ROR1: variants seen among roughly 807,000 people sequenced by gnomAD.
ROR1 encodes ROR family WNT receptor 1.
A neutral mutation model predicts 78.8 loss-of-function variants in ROR1; 19 were observed. That is an observed-to-expected ratio of 0.24 (90% confidence interval 0.17 to 0.35). ROR1 has a LOEUF of 0.35. Among genes scored for constraint, ROR1 ranks in the 10% least tolerant of loss-of-function variants. The pLI is 1.00. For synonymous variants in ROR1, 386 were observed against 433.6 expected (o/e 0.89, Z 1.36); for missense variants, 917 against 1,177.8 (o/e 0.78, Z 3.24).
intron 1 of ROR1, among the ~76,000 whole-genome samples, chr1:63,813,739 T>C (rs908217265): frequency 6.6e-6 from 1 of 152,222 alleles, no homozygotes; most frequent in South Asian, 2.1e-4. Context: ...CACATTTATA[T>C]TGAGGGTGGA....
chr1:63,802,584 A>C (rs899300608), intron 1 of ROR1, among the ~76,000 whole-genome samples: 3 of 152,224 alleles, frequency 2.0e-5, no homozygotes, highest in Admixed American at 2.0e-4. Flanking sequence ...AGCAGAGTTC[A>C]GATTTTTCAG....
At chr1:64,154,847 A>T (rs1170164743) in intron 7 of ROR1, among the ~76,000 whole-genome samples, 1 of 152,152 alleles carries the variant, frequency 6.6e-6, no homozygotes, top group Non-Finnish European at 1.5e-5. Flanking sequence ...TTTCCAGCCG[A>T]TTTTCTCTGT....
intron 4 of ROR1, among the ~76,000 whole-genome samples, chr1:64,091,509 A>G (rs1569728147): frequency 6.6e-6 from 1 of 151,972 alleles, no homozygotes; most frequent in Non-Finnish European, 1.5e-5. Context: ...ATCCCATTGT[A>G]CCCTGGGATC....
chr1:63,894,832 T>C (rs115599430), intron 1 of ROR1, among the ~76,000 whole-genome samples: 3,508 of 152,256 alleles, frequency 0.023, 80 homozygotes, highest in African/African-American at 0.054. Flanking sequence ...TGGAATCTGC[T>C]TGGCCAAAAG....
chr1:63,940,482 CAGAT>C (rs1220265909), intron 1 of ROR1, among the ~76,000 whole-genome samples: 3 of 81,690 alleles, frequency 3.7e-5, no homozygotes, highest in East Asian at 4.2e-4. Context: ...GATAGATAGA[CAGAT>C]AGATAGACAG....
chr1:64,152,744 A>G (rs975149788), intron 7 of ROR1, among the ~76,000 whole-genome samples: 1 of 152,220 alleles, frequency 6.6e-6, no homozygotes, highest in Non-Finnish European at 1.5e-5. Flanking sequence ...TTCCATAATT[A>G]AACAGTTAGG....
intron 4 of ROR1, among the ~76,000 whole-genome samples, chr1:64,059,621 A>G (rs1268914328): frequency 6.6e-6 from 1 of 151,596 alleles, no homozygotes; most frequent in Non-Finnish European, 1.5e-5. Flanking sequence ...AGGCAGGAGA[A>G]TATCTTGAAC....
intron 1 of ROR1, among the ~76,000 whole-genome samples, chr1:63,976,647 T>C (rs1646163412): frequency 6.6e-6 from 1 of 152,178 alleles, no homozygotes; most frequent in African/African-American, 2.4e-5. Context: ...GGTGTCATCT[T>C]TTTTCTTCCT....
At chr1:63,905,838 A>C (rs1213788469) in intron 1 of ROR1, among the ~76,000 whole-genome samples, 1 of 152,184 alleles carries the variant, frequency 6.6e-6, no homozygotes, top group African/African-American at 2.4e-5. Flanking sequence ...AAAATGCGAA[A>C]ATTTTGCTGT....
chr1:64,003,748 C>A (rs541451069), intron 1 of ROR1, among the ~76,000 whole-genome samples: 6 of 152,200 alleles, frequency 3.9e-5, no homozygotes, highest in Non-Finnish European at 8.8e-5. Flanking sequence ...CAGACTCTTA[C>A]TTTTCCAAAC....
intron 4 of ROR1, among the ~76,000 whole-genome samples, chr1:64,102,469 T>C (rs925823202): frequency 1.3e-5 from 2 of 152,158 alleles, no homozygotes; most frequent in African/African-American, 4.8e-5. Context: ...CCTCAGAGCT[T>C]ACATTGATGT....
At chr1:63,985,390 GT>G (rs1234766063) in intron 1 of ROR1, among the ~76,000 whole-genome samples, 2 of 152,156 alleles carry the variant, frequency 1.3e-5, no homozygotes, top group African/African-American at 2.4e-5. Flanking sequence ...CCAAATTTGA[GT>G]TTCAGGAACC....
intron 1 of ROR1, among the ~76,000 whole-genome samples, chr1:63,951,952 T>C (rs1033945290): frequency 7.9e-5 from 12 of 152,302 alleles, no homozygotes; most frequent in African/African-American, 2.6e-4. Context: ...TTATTAAATA[T>C]CAATTTACTG....
intron 1 of ROR1, among the ~76,000 whole-genome samples, chr1:63,785,361 A>C (rs1220246512): frequency 6.6e-6 from 1 of 152,200 alleles, no homozygotes; most frequent in East Asian, 1.9e-4. Context: ...TGCTTAACCC[A>C]GTCATGACTG....
At chr1:64,006,572 T>G (rs758650100) in intron 1 of ROR1, among the ~76,000 whole-genome samples, 1 of 152,228 alleles carries the variant, frequency 6.6e-6, no homozygotes, top group Non-Finnish European at 1.5e-5. Context: ...TGCTTTCCAC[T>G]GTGGCTTTGT....
At chr1:63,959,868 C>T (rs1472231125) in intron 1 of ROR1, among the ~76,000 whole-genome samples, 1 of 152,186 alleles carries the variant, frequency 6.6e-6, no homozygotes, top group East Asian at 1.9e-4. Context: ...CACCAGCAGC[C>T]CCTTCAACCT....
chr1:63,801,310 T>G (rs1345898786), intron 1 of ROR1, among the ~76,000 whole-genome samples: 1 of 152,178 alleles, frequency 6.6e-6, no homozygotes, highest in African/African-American at 2.4e-5. Context: ...TGGTCTTTTT[T>G]TTGAGACAGA....
intron 1 of ROR1, among the ~76,000 whole-genome samples, chr1:63,852,072 GAGTTGAAGTAATCATAATGCCTAC>G (rs982072985): frequency 2.0e-5 from 3 of 152,258 alleles, no homozygotes; most frequent in African/African-American, 7.2e-5. Context: ...AAATCCTTCA[GAGTTGAAGTAATCATAATGCCTAC>G]AATATATTAA....
intron 1 of ROR1, among the ~76,000 whole-genome samples, chr1:63,967,605 C>T (rs536172236): frequency 2.6e-5 from 4 of 152,268 alleles, no homozygotes; most frequent in African/African-American, 7.2e-5. Context: ...TTTCCAGCAT[C>T]GAATACAGTA....
Sources: allele counts gnomAD v4.1 joint callset (sites outside exome capture counted in the v4.1 genomes callset), GRCh38; gene constraint gnomAD v4.1.1; transcripts MANE v1.5; gene names NCBI Gene and HGNC (gene_info 2026-07-23, HGNC 2026-07-21).